ALKBH8: variants seen among roughly 807,000 people sequenced by gnomAD.
ALKBH8 encodes the protein tRNA (carboxymethyluridine(34)-5-O)-methyltransferase ALKBH8.
In ALKBH8, 36 loss-of-function variants were observed where a neutral mutation model predicts 59.8. The observed-to-expected ratio is 0.60, with a 90% CI of 0.46 to 0.79. The LOEUF (loss-of-function observed/expected upper bound fraction) is 0.79, where lower values mean the gene tolerates loss of function less well. ALKBH8 is among the 30% of genes least tolerant of loss of function. ALKBH8 has a pLI of 0.00. For synonymous variants in ALKBH8, 276 were observed against 273.6 expected, an observed-to-expected ratio of 1.01 and a Z score of -0.09; for missense variants, 768 against 801.0, an observed-to-expected ratio of 0.96 and a Z score of 0.50.
rs527465569 is a variant in ALKBH8 at position 107,515,246 on chromosome 11, C to A, written c.1288-4210G>T. ...ATAATGTTGCATCATGTCAACAGGA[C>A]AGAAAATGGCTTGATAAAAACCCAC... is the stretch of plus-strand genomic sequence containing the variant. On this transcript the variant is annotated intron_variant, in intron 10 of 11. Transcript: ENST00000428149. 3.3e-5 allele frequency among the ~76,000 whole-genome samples: 5 copies of A among 152,274 alleles called. 1 individual carries two copies. Among genetic ancestry groups the A allele is most frequent in the African/African-American group, 1.2e-4 (5 of 41,548 alleles).
intron 7 of ALKBH8, among the ~76,000 whole-genome samples, chr11:107,549,017 A>AT (rs1229020609): frequency 6.6e-6 from 1 of 151,866 alleles, no homozygotes; most frequent in Non-Finnish European, 1.5e-5. Flanking sequence ...TGCCCGGCTA[A>AT]TTTTTTTGTA....
At position 107,504,049 on chromosome 11, in the gene ALKBH8, T is replaced by C. The variant is rs553764418; in HGVS notation, c.*609A>G. ...TTGCTCTTTCTTATTCACTGCTTCA[T>C]TATCAGTACTTAAAATAGTAACTGG... On this transcript the variant is annotated 3_prime_UTR_variant, in exon 12 of 12. Coordinates refer to ENST00000428149, the MANE Select transcript of ALKBH8 (RefSeq NM_138775.3). 9 of 154,338 alleles carry C rather than the reference T, an allele frequency of 5.8e-5. No homozygotes were observed. The highest frequency in any genetic ancestry group is 1.9e-4 in the African/African-American group (8 of 41,634). The allele number at this position is 154,338 out of a possible 1,614,324, so 9.6% of individuals were successfully genotyped here.
chr11:107,525,265 T>G (rs1025139859), intron 9 of ALKBH8, among the ~76,000 whole-genome samples, 176 bp downstream of exon 9: 1 of 152,152 alleles, frequency 6.6e-6, no homozygotes, highest in African/African-American at 2.4e-5. Flanking sequence ...CTTCAAAGAA[T>G]GTAAACTCTA....
chr11:107,553,204 CTG>C lies in ALKBH8; in HGVS notation c.500-3_500-2del. ...CTTCTGTGTTTTAAGGATTTTTGAG[CTG>C]TGTGAAGAGAACAAAGTAAACAATT... On this transcript the variant is annotated splice_acceptor_variant and splice_polypyrimidine_tract_variant and intron_variant, in intron 4 of 11. Coordinates refer to ENST00000428149, the MANE Select transcript of ALKBH8 (RefSeq NM_138775.3). LOFTEE classifies it high-confidence loss of function. 1 of 1,587,498 alleles carries C rather than the reference CTG, an allele frequency of 6.3e-7. No individual in the cohort carries two copies. Among genetic ancestry groups the C allele is most frequent in the Non-Finnish European group, 8.6e-7 (1 of 1,164,258 alleles).
intron 11 of ALKBH8, among the ~76,000 whole-genome samples, chr11:107,506,216 C>A (rs905806472): frequency 6.6e-6 from 1 of 152,116 alleles, no homozygotes; most frequent in African/African-American, 2.4e-5. Context: ...AGATATAAAT[C>A]ATCCCCAATA....
intron 1 of ALKBH8, among the ~76,000 whole-genome samples, chr11:107,564,653 G>C (rs1331336250): frequency 6.6e-6 from 1 of 152,034 alleles, no homozygotes; most frequent in Non-Finnish European, 1.5e-5. Context: ...AGAAAATAAA[G>C]ATTTAAAATT....
At chr11:107,542,661 C>A (rs890825594) in intron 7 of ALKBH8, among the ~76,000 whole-genome samples, 3 of 152,206 alleles carry the variant, frequency 2.0e-5, no homozygotes, top group Admixed American at 6.5e-5. Context: ...GTAATCCCAG[C>A]ACCTTGGGAT....
intron 10 of ALKBH8, among the ~76,000 whole-genome samples, chr11:107,519,373 G>C (rs982171589): frequency 6.6e-6 from 1 of 152,050 alleles, no homozygotes; most frequent in African/African-American, 2.4e-5. Context: ...CCAAAGTGCT[G>C]GGATTACAGG....
rs368118861 is a variant in ALKBH8 at position 107,565,684 on chromosome 11, A to G, written c.-90T>C. ...CTCCACTCTAGCACCAGAACACCGCAGCGGATACTTGCACGCCATCTCCCC... is the reference window on the plus strand; with the variant it reads ...CTCCACTCTAGCACCAGAACACCGCGGCGGATACTTGCACGCCATCTCCCC... On this transcript the variant is annotated 5_prime_UTR_variant, in exon 1 of 12. Transcript: ENST00000428149. The G allele has an allele frequency of 1.3e-4, 193 of 1,535,336 alleles. No homozygotes were observed. The African/African-American group carries it at 1.3e-3, about 10-fold the overall frequency.
chr11:107,506,284 C>G (rs1789163), intron 11 of ALKBH8, among the ~76,000 whole-genome samples: 120,479 of 152,002 alleles, frequency 0.79, 49,660 homozygotes, highest in Non-Finnish European at 0.91. Flanking sequence ...TTATCTGCTT[C>G]TCCTTAGAAA....
At chr11:107,522,274 G>A (rs1408351562) in intron 10 of ALKBH8, 25 bp downstream of exon 10, 12 of 1,547,946 alleles carry the variant, frequency 7.8e-6, no homozygotes, top group Middle Eastern at 1.7e-4. Context: ...TAAGCAAAAA[G>A]AAAGTCAAAA....
intron 3 of ALKBH8, among the ~76,000 whole-genome samples, chr11:107,554,565 G>T (rs1864628452): frequency 1.3e-5 from 2 of 152,156 alleles, no homozygotes; most frequent in Non-Finnish European, 2.9e-5. Flanking sequence ...AAAGGGAATA[G>T]TGTATTCACA....
chr11:107,530,513 A>ATC (rs373443146), intron 8 of ALKBH8, among the ~76,000 whole-genome samples: 6 of 147,730 alleles, frequency 4.1e-5, no homozygotes, highest in Admixed American at 6.8e-5. Context: ...ATCATTGGTT[A>ATC]TCTCTCTCTC....
At chr11:107,508,077 C>T (rs1377601256) in intron 11 of ALKBH8, among the ~76,000 whole-genome samples, 1 of 152,142 alleles carries the variant, frequency 6.6e-6, no homozygotes, top group Non-Finnish European at 1.5e-5. Context: ...GCTGCCTCCT[C>T]CACTAAACTA....
intron 7 of ALKBH8, among the ~76,000 whole-genome samples, chr11:107,545,204 T>C (rs1283859349): frequency 6.6e-6 from 1 of 152,212 alleles, no homozygotes; most frequent in Non-Finnish European, 1.5e-5. Flanking sequence ...CCAGACTGTA[T>C]TGTTGTTTTA....
In ALKBH8 at chr11:107,549,789, A is replaced by C; in HGVS notation, c.735T>G (p.Phe245Leu). ...AACTGAGAGAAACGATCTCATCCTC[A>C]AAAGCGGAATGTGTATCAATATGAG... ...IPAHIDTHSAFEDEIVSLSLG... is the reference protein window; with the variant it reads ...IPAHIDTHSALEDEIVSLSLG... Residue 245 changes from phenylalanine (F) to leucine (L), a missense_variant, in exon 7 of 12, where the codon TTT becomes TTG. Coordinates refer to ENST00000428149, the MANE Select transcript of ALKBH8 (RefSeq NM_138775.3). 1 of 1,550,406 alleles carries C rather than the reference A, an allele frequency of 6.4e-7. No homozygotes were observed. The highest frequency in any genetic ancestry group is 8.7e-7 in the Non-Finnish European group (1 of 1,145,958).
At chr11:107,531,864 G>C (rs1002504695) in intron 8 of ALKBH8, among the ~76,000 whole-genome samples, 10 of 152,208 alleles carry the variant, frequency 6.6e-5, no homozygotes, top group African/African-American at 2.4e-4. Flanking sequence ...AACAGCCTGA[G>C]AGCTGAATGT....
At chr11:107,551,396 A>G (rs79498079) in intron 6 of ALKBH8, among the ~76,000 whole-genome samples, 6,892 of 152,280 alleles carry the variant, frequency 0.045, 331 homozygotes, top group East Asian at 0.22. Flanking sequence ...TGAGCTTAAA[A>G]ATAATGTATT....
In ALKBH8 at chr11:107,555,812, G is replaced by A. The variant is rs1037070235; in HGVS notation, c.367+954C>T. Among the ~76,000 whole-genome samples, 10 of 152,196 alleles carry A rather than the reference G, an allele frequency of 6.6e-5. No individual in the cohort carries two copies. In the South Asian group the frequency reaches 2.1e-3, roughly 32 times the overall value. On this transcript the variant is annotated intron_variant, in intron 3 of 11. Transcript: ENST00000428149. ...TCATCTCAATACATCTCATTTTCAT[G>A]GGGCAGAAGTAATAATTCCTGTACA...
Sources: allele counts gnomAD v4.1 joint callset (sites outside exome capture counted in the v4.1 genomes callset), GRCh38; gene constraint gnomAD v4.1.1; transcripts MANE v1.5; gene names NCBI Gene and HGNC (gene_info 2026-07-23, HGNC 2026-07-21).